Variants in TFEB observed in about 807,000 individuals in gnomAD.
The protein encoded by TFEB is transcription factor EB.
TFEB carries 12 observed loss-of-function variants against 48.0 expected under a neutral mutation model. The ratio of observed to expected loss-of-function variants is 0.25; its 90% CI spans 0.16 to 0.40. The LOEUF is 0.40. Ranked by LOEUF, TFEB falls within the 10% of genes least tolerant of loss-of-function variation. The pLI, the probability that TFEB is intolerant of heterozygous loss-of-function variation, is 1.00. For synonymous variants in TFEB, 244 were observed against 261.4 expected, an observed-to-expected ratio of 0.93 and a Z score of 0.64; for missense variants, 509 against 640.3, an observed-to-expected ratio of 0.79 and a Z score of 2.21.
chr6:41,721,365 G>GCA (rs1427485935), intron 1 of TFEB, among the ~76,000 whole-genome samples: 2 of 127,316 alleles, frequency 1.6e-5, no homozygotes, highest in Non-Finnish European at 3.2e-5. Context: ...TTGACACTAG[G>GCA]CACACATACA....
chr6:41,727,825 C>T (rs1454439045), intron 1 of TFEB, among the ~76,000 whole-genome samples: 2 of 152,252 alleles, frequency 1.3e-5, no homozygotes, highest in Non-Finnish European at 2.9e-5. Flanking sequence ...TCCAGCACCA[C>T]ATCTCCCCTT....
intron 1 of TFEB, among the ~76,000 whole-genome samples, chr6:41,693,690 T>C (rs1027304027): frequency 6.6e-6 from 1 of 151,906 alleles, no homozygotes; most frequent in Non-Finnish European, 1.5e-5. Context: ...CTCTACACCA[T>C]GAATCAGTAA....
At chr6:41,714,337 G>T (rs938002078) in intron 1 of TFEB, among the ~76,000 whole-genome samples, 3 of 152,236 alleles carry the variant, frequency 2.0e-5, no homozygotes, top group African/African-American at 7.2e-5. Flanking sequence ...TGAGCCCATC[G>T]TGTTTGTTTT....
At chr6:41,718,077 C>A (rs896317419) in intron 1 of TFEB, among the ~76,000 whole-genome samples, 23 of 152,112 alleles carry the variant, frequency 1.5e-4, no homozygotes, top group African/African-American at 5.6e-4. Flanking sequence ...CAAGGTGATG[C>A]TATGATTTAT....
Position 41,730,963 on chromosome 6 carries a change from C to G in TFEB, c.-23+4387G>C, listed in dbSNP as rs1453321416. On this transcript the variant is annotated intron_variant, in intron 1 of 8. Coordinates refer to ENST00000373033, the MANE Select transcript of TFEB (RefSeq NM_001271944.2). The surrounding 1 kb of genome is among the most constrained non-coding windows in gnomAD (Gnocchi z 4.1). ...GGACAGAGAGTGGTGGGAAGCCCCA[C>G]GTAAAGCATTACATCAGAGAACATT... 6.6e-6 allele frequency among the ~76,000 whole-genome samples: 1 copy of G among 152,160 alleles called. No homozygotes were observed.
chr6:41,684,281 A>G lies in TFEB; in HGVS notation c.*318T>C. 3.5e-6 allele frequency: 1 copy of G among 289,422 alleles called. No individual in the cohort carries two copies. Among genetic ancestry groups the G allele is most frequent in the Non-Finnish European group, 6.4e-6 (1 of 156,102 alleles). 17.9% of individuals were successfully genotyped at this position (289,422 alleles called of 1,614,324 possible). On this transcript the variant is annotated 3_prime_UTR_variant, in exon 9 of 9. Coordinates refer to ENST00000373033, the MANE Select transcript of TFEB (RefSeq NM_001271944.2). ...CTGGTAATGAGGGGCTCGGGCTCAG[A>G]AGACAGGGAATCTCCACCAGGCCCT...
intron 1 of TFEB, among the ~76,000 whole-genome samples, chr6:41,721,627 A>C (rs1770987823): frequency 6.6e-6 from 1 of 152,150 alleles, no homozygotes; most frequent in African/African-American, 2.4e-5. Flanking sequence ...CCTCTCTACA[A>C]CAGGCGCCTA....
At chr6:41,725,434 C>T (rs1581933801) in intron 1 of TFEB, among the ~76,000 whole-genome samples, 2 of 152,210 alleles carry the variant, frequency 1.3e-5, no homozygotes. Flanking sequence ...CCCTCTCCCC[C>T]ACCAGATGTG....
chr6:41,687,478 C>T (rs1205772842), intron 6 of TFEB, among the ~76,000 whole-genome samples: 1 of 152,222 alleles, frequency 6.6e-6, no homozygotes, highest in African/African-American at 2.4e-5. Context: ...GGTTCCATGC[C>T]TTAACCCAGA....
chr6:41,693,017 T>G (rs58713995), intron 1 of TFEB, among the ~76,000 whole-genome samples: 5,851 of 152,220 alleles, frequency 0.038, 358 homozygotes, highest in African/African-American at 0.13. Flanking sequence ...TATATGAAAT[T>G]AATAGGTCTT....
At chr6:41,735,182 G>A (rs1201329275) in intron 1 of TFEB, 168 bp downstream of exon 1, 43 of 914,016 alleles carry the variant, frequency 4.7e-5, no homozygotes, top group Non-Finnish European at 5.6e-5. Context: ...GGGCGCCCGG[G>A]GGCGGACGGA....
At position 41,684,635 on chromosome 6, in the gene TFEB, C is replaced by T. The variant is rs774015312; in HGVS notation, c.1395G>A (p.Arg465=). Residue 465 remains arginine, a synonymous_variant, in exon 9 of 9, where the codon CGG becomes CGA. Transcript: ENST00000373033. ...CGCCCTCCTCCATGCTGAAGCTGCTCCGGCGGCTGCTGGCCTTGGAGGCCT... is the reference window on the plus strand; with the variant it reads ...CGCCCTCCTCCATGCTGAAGCTGCTTCGGCGGCTGCTGGCCTTGGAGGCCT... ...SPEASKASSR[R]SSFSMEEGDV... is the part of the protein sequence containing the mutation. 1.2e-6 allele frequency: 2 copies of T among 1,606,124 alleles called. No homozygotes were observed. Among genetic ancestry groups the T allele is most frequent in the East Asian group, 2.2e-5 (1 of 44,818 alleles).
chr6:41,698,706 T>C (rs1769741291), intron 1 of TFEB, among the ~76,000 whole-genome samples: 1 of 152,040 alleles, frequency 6.6e-6, no homozygotes, highest in Non-Finnish European at 1.5e-5. Context: ...AACTGACCGC[T>C]AAACAAAAGC....
chr6:41,725,961 A>G (rs939145051), intron 1 of TFEB, among the ~76,000 whole-genome samples: 1 of 152,210 alleles, frequency 6.6e-6, no homozygotes, highest in Non-Finnish European at 1.5e-5. Flanking sequence ...TATACATTAA[A>G]GGCCAGGCCC....
Position 41,691,166 on chromosome 6 carries a change from C to G in TFEB, c.48G>C (p.Ala16=). Residue 16 remains alanine, a synonymous_variant, in exon 2 of 9, where the codon GCG becomes GCC. Coordinates refer to ENST00000373033, the MANE Select transcript of TFEB (RefSeq NM_001271944.2). The surrounding 1 kb of genome is among the most constrained non-coding windows in gnomAD (Gnocchi z 5.2). ...GLRMQLMREQ[A]QQEEQRERMQ... is the part of the protein sequence containing the mutation. The stretch of plus-strand genomic sequence containing the variant: ...TGCGCTCCCGCTGCTCCTCCTGCTG[C>G]GCCTGCTCCCGCATGAGCTGCATGC... 1 of 1,589,594 alleles carries G rather than the reference C, an allele frequency of 6.3e-7. No homozygotes were observed. Among genetic ancestry groups the G allele is most frequent in the South Asian group, 1.1e-5 (1 of 88,080 alleles).
At chr6:41,697,840 G>A (rs1769690578) in intron 1 of TFEB, among the ~76,000 whole-genome samples, 1 of 152,136 alleles carries the variant, frequency 6.6e-6, no homozygotes, top group South Asian at 2.1e-4. Context: ...GTGACAAAAT[G>A]TAGGATGTAG....
At chr6:41,707,413 G>T (rs1561862934) in intron 1 of TFEB, among the ~76,000 whole-genome samples, 1 of 152,178 alleles carries the variant, frequency 6.6e-6, no homozygotes, top group Non-Finnish European at 1.5e-5. Context: ...CAAGGGGAAA[G>T]GCTGGGGCTG....
At chr6:41,710,770 GCC>G (rs1770440845) in intron 1 of TFEB, among the ~76,000 whole-genome samples, 2 of 151,948 alleles carry the variant, frequency 1.3e-5, no homozygotes, top group Non-Finnish European at 2.9e-5. Context: ...CCCAATCTGG[GCC>G]CCCAGACCCT....
chr6:41,714,096 CGTGTGTGTGTGCACGTGT>C (rs1340414629), intron 1 of TFEB, among the ~76,000 whole-genome samples: 1 of 150,376 alleles, frequency 6.6e-6, no homozygotes, highest in Non-Finnish European at 1.5e-5. Flanking sequence ...CCTGTGTGTG[CGTGTGTGTGTGCACGTGT>C]GTGTGTGTGT....
Sources: allele counts gnomAD v4.1 joint callset (sites outside exome capture counted in the v4.1 genomes callset), GRCh38; gene constraint gnomAD v4.1.1; non-coding constraint Gnocchi (gnomAD v3.1); transcripts MANE v1.5; gene names NCBI Gene and HGNC (gene_info 2026-07-23, HGNC 2026-07-21).